ROBO2: variants seen among roughly 807,000 people sequenced by gnomAD.
ROBO2 encodes roundabout homolog 2.
A neutral mutation model predicts 160.8 loss-of-function variants in ROBO2; 53 were observed. The observed-to-expected ratio is 0.33, with a 90% CI of 0.26 to 0.41. The LOEUF is 0.41. ROBO2 is among the 10% of genes least tolerant of loss of function. ROBO2 has a pLI of 1.00. For missense variants in ROBO2, 1,577 were observed against 1,722.4 expected (o/e 0.92, Z 1.49); for synonymous variants, 664 against 611.7 (o/e 1.09, Z -1.26).
At chr3:76,707,731 G>GTATATATA (rs56401900) in intron 2 of ROBO2, among the ~76,000 whole-genome samples, 122 of 134,206 alleles carry the variant, frequency 9.1e-4, no homozygotes, top group South Asian at 2.5e-3. Context: ...ACATGTGTGT[G>GTATATATA]TATATATATA....
At chr3:76,192,733 CA>C (rs1220350723) in intron 2 of ROBO2, among the ~76,000 whole-genome samples, 1 of 151,924 alleles carries the variant, frequency 6.6e-6, no homozygotes, top group Non-Finnish European at 1.5e-5. Flanking sequence ...ATGTTGGTAC[CA>C]TCCTGTCACT....
upstream of ROBO2, among the ~76,000 whole-genome samples, chr3:77,036,009 G>C (rs535138248): frequency 6.6e-6 from 1 of 151,698 alleles, no homozygotes; most frequent in Admixed American, 6.6e-5. Context: ...GGTACACTGC[G>C]GTTTTCTTAA....
upstream of ROBO2, among the ~76,000 whole-genome samples, chr3:77,039,138 A>G (rs1426796061): frequency 2.0e-5 from 3 of 152,158 alleles, no homozygotes; most frequent in East Asian, 5.8e-4. Flanking sequence ...GCAGGGGGCC[A>G]TAGATCTTGG....
intron 2 of ROBO2, among the ~76,000 whole-genome samples, chr3:76,739,569 A>C (rs1028389359): frequency 6.6e-6 from 1 of 152,094 alleles, no homozygotes; most frequent in African/African-American, 2.4e-5. Context: ...TGGCACATGT[A>C]TACATATGTA....
exon 21 of ROBO2, chr3:77,607,853 C>T: frequency 6.2e-7 from 1 of 1,613,924 alleles, no homozygotes; most frequent in Non-Finnish European, 8.5e-7. Flanking sequence ...CACAGAAAAA[C>T]AATGGATCCA....
chr3:76,185,215 T>TATATATATATATATAC, intron 2 of ROBO2, among the ~76,000 whole-genome samples: 55 of 90,288 alleles, frequency 6.1e-4, no homozygotes, highest in African/African-American at 9.5e-4. Context: ...TATATATATA[T>TATATATATATATATAC]ACACACACAA....
At chr3:77,097,818 CAT>C (rs1471140356) in intron 1 of ROBO2, among the ~76,000 whole-genome samples, 194 bp from the exon 2 acceptor site, 2 of 152,124 alleles carry the variant, frequency 1.3e-5, no homozygotes, top group South Asian at 2.1e-4. Context: ...TTTGAGTTAA[CAT>C]ATTAATTTAT....
At chr3:77,539,881 CAA>C (rs1380331810) in intron 6 of ROBO2, among the ~76,000 whole-genome samples, 1 of 152,138 alleles carries the variant, frequency 6.6e-6, no homozygotes, top group Non-Finnish European at 1.5e-5. Flanking sequence ...TCATTGTTGA[CAA>C]AGAGGACCAA....
intron 2 of ROBO2, among the ~76,000 whole-genome samples, chr3:76,523,794 G>T (rs776357261): frequency 1.3e-5 from 2 of 152,104 alleles, no homozygotes; most frequent in Non-Finnish European, 2.9e-5. Flanking sequence ...AATAGTAAAT[G>T]CTATAGTTAT....
intron 2 of ROBO2, among the ~76,000 whole-genome samples, chr3:77,265,382 T>G (rs1484536737): frequency 2.0e-5 from 3 of 152,142 alleles, no homozygotes; most frequent in Non-Finnish European, 4.4e-5. Context: ...GTGGGGAAAA[T>G]AACATCTGTT....
At chr3:76,659,338 A>T (rs2091717658) in intron 2 of ROBO2, among the ~76,000 whole-genome samples, 1 of 149,360 alleles carries the variant, frequency 6.7e-6, no homozygotes, top group Admixed American at 6.7e-5. Flanking sequence ...ACATATACAT[A>T]TATAATGCAT....
At chr3:77,413,957 T>C (rs191646191) in intron 2 of ROBO2, among the ~76,000 whole-genome samples, 1 of 152,126 alleles carries the variant, frequency 6.6e-6, no homozygotes, top group Admixed American at 6.5e-5. Context: ...TGTGTACATG[T>C]AGTAATTTAA....
chr3:77,206,366 T>C (rs62251835), intron 2 of ROBO2, among the ~76,000 whole-genome samples: 6,102 of 152,080 alleles, frequency 0.04, 161 homozygotes, highest in African/African-American at 0.068. Flanking sequence ...GACGGGTTTT[T>C]ACCACACTGG....
chr3:76,675,569 C>G (rs1256970920), intron 2 of ROBO2, among the ~76,000 whole-genome samples: 1 of 152,172 alleles, frequency 6.6e-6, no homozygotes, highest in East Asian at 1.9e-4. Flanking sequence ...TTAGAATCCT[C>G]TATGCATGAA....
Position 76,004,927 on chromosome 3 carries a change from A to G in ROBO2, c.109+67325A>G, listed in dbSNP as rs542356194. Among the ~76,000 whole-genome samples the G allele has an allele frequency of 2.6e-5, 4 of 152,332 alleles. No homozygotes were observed. In the South Asian group the frequency reaches 8.3e-4, roughly 32 times the overall value. On this transcript the variant is annotated intron_variant, in intron 2 of 26. Transcript: ENST00000487694. ...AAAGGCATGTGTTGAAACATCATCCAATGAAACACTGTTGGGAGGTGGGGC... is the reference window on the plus strand; with the variant it reads ...AAAGGCATGTGTTGAAACATCATCCGATGAAACACTGTTGGGAGGTGGGGC...
chr3:76,992,896 C>A (rs1476140000), intron 2 of ROBO2, among the ~76,000 whole-genome samples: 1 of 152,122 alleles, frequency 6.6e-6, no homozygotes, highest in Non-Finnish European at 1.5e-5. Context: ...TGGCTCACTG[C>A]AGCCTCCACC....
chr3:77,313,665 A>C lies in ROBO2; in HGVS notation c.389-163749A>C, dbSNP rs185746787. Among the ~76,000 whole-genome samples, 425 of 151,846 alleles carry C rather than the reference A, an allele frequency of 2.8e-3. 5 individuals carry two copies. Among genetic ancestry groups the C allele is most frequent in the African/African-American group, 9.4e-3 (388 of 41,386 alleles). On this transcript the variant is annotated intron_variant, in intron 2 of 25. Transcript: ENST00000461745. ...CATGGCGTGATCTCGGCTCACTGCA[A>C]CCTCCGCCTCTTCGTTTCAAGCAAT...
chr3:77,011,642 T>C (rs778221073), intron 2 of ROBO2, among the ~76,000 whole-genome samples: 1 of 152,036 alleles, frequency 6.6e-6, no homozygotes, highest in Non-Finnish European at 1.5e-5. Flanking sequence ...GCCTCAGACC[T>C]ATCAGATGAA....
rs2150075054 is a variant in ROBO2, at chr3:77,098,238, G to A, written c.286G>A (p.Val96Met). 1 of 1,614,172 alleles carries A rather than the reference G, an allele frequency of 6.2e-7. No homozygotes were observed. Residue 96 changes from valine (V) to methionine (M), a missense_variant, in exon 2 of 26, where the codon GTG becomes ATG. Physicochemically the swap from Val to Met is conservative, Grantham distance 21. Transcript: ENST00000461745. ...CGGATCCTTATTCTTCTTGCGCATC[G>A]TGCACGGGCGCAGGAGTAAACCTGA...
Sources: gnomAD v4.1 joint callset for allele counts (sites outside exome capture counted in the v4.1 genomes callset) on GRCh38, gnomAD v4.1.1 for gene constraint, MANE v1.5 for transcripts, NCBI Gene and HGNC (gene_info 2026-07-23, HGNC 2026-07-21) for gene names.